The following CSMD1 variants were observed in gnomAD, a reference collection of about 807,000 sequenced individuals.
The protein encoded by CSMD1 is CUB and Sushi multiple domains 1.
Under a neutral mutation model 417.5 loss-of-function variants are expected in CSMD1, and 213 were observed. The observed-to-expected ratio is 0.51, with a 90% CI of 0.46 to 0.57. The LOEUF is 0.57. Ranked by LOEUF, CSMD1 falls within the 20% of genes least tolerant of loss-of-function variation. The probability of loss-of-function intolerance (pLI) is 0.00; values close to 1 mark genes in which losing one functional copy is unlikely to be tolerated. For missense variants in CSMD1, 6,923 were observed against 4,529.7 expected (o/e 1.53, Z -15.17); for synonymous variants, 2,862 against 1,736.8 (o/e 1.65, Z -16.11).
At chr8:3,801,092 G>A (rs1441424297) in intron 5 of CSMD1, among the ~76,000 whole-genome samples, 2 of 151,746 alleles carry the variant, frequency 1.3e-5, no homozygotes, top group Admixed American at 6.6e-5. Flanking sequence ...AAAAGCACAA[G>A]GAATTAAAGA....
chr8:4,790,496 G>A (rs893702838), intron 1 of CSMD1, among the ~76,000 whole-genome samples: 3 of 152,090 alleles, frequency 2.0e-5, no homozygotes. Context: ...AAATTTATTT[G>A]GAACCAAAAA....
At chr8:4,478,235 G>T (rs919586158) in intron 2 of CSMD1, among the ~76,000 whole-genome samples, 6 of 152,122 alleles carry the variant, frequency 3.9e-5, no homozygotes, top group African/African-American at 1.4e-4. Flanking sequence ...ATACTGAAAA[G>T]CTTCCTTAGA....
rs541169067 is a variant in CSMD1 at position 4,186,879 on chromosome 8, C to G, written c.416-154780G>C. On this transcript the variant is annotated intron_variant, in intron 3 of 69. Transcript: ENST00000635120. The stretch of plus-strand genomic sequence containing the variant: ...GGCGTGGTGTTGAGTGCCTGTAGTC[C>G]CAGCTACTCGGGAGGCTGAGGCAGG... Among the ~76,000 whole-genome samples, 3 of 151,324 alleles carry G rather than the reference C, an allele frequency of 2.0e-5. 1 individual carries two copies. In the South Asian group the frequency reaches 6.3e-4, roughly 32 times the overall value.
chr8:4,871,907 G>C (rs1251062187), intron 1 of CSMD1, among the ~76,000 whole-genome samples: 1 of 151,974 alleles, frequency 6.6e-6, no homozygotes, highest in African/African-American at 2.4e-5. Flanking sequence ...TTGCAATTCT[G>C]TACTCTGTCT....
At chr8:4,249,615 T>C (rs1802929480) in intron 3 of CSMD1, among the ~76,000 whole-genome samples, 1 of 152,170 alleles carries the variant, frequency 6.6e-6, no homozygotes, top group Non-Finnish European at 1.5e-5. Flanking sequence ...TAAGAAATGT[T>C]TTCTCTGCTC....
chr8:3,978,484 G>A (rs1039206698), intron 5 of CSMD1, among the ~76,000 whole-genome samples: 1 of 152,008 alleles, frequency 6.6e-6, no homozygotes, highest in Non-Finnish European at 1.5e-5. Flanking sequence ...ATGAATATGG[G>A]GACTTTACTT....
chr8:3,313,955 T>C lies in CSMD1; in HGVS notation c.3632-5452A>G, dbSNP rs1309369223. On this transcript the variant is annotated intron_variant, in intron 23 of 69. Coordinates refer to ENST00000635120, the MANE Select transcript of CSMD1 (RefSeq NM_033225.6). ...CTATGCAGCCATAAAAAATGATGAG[T>C]TCATGTCCTTTGTAGGGACATGGAT... Among the ~76,000 whole-genome samples the C allele has an allele frequency of 2.6e-5, 4 of 152,078 alleles. No individual in the cohort carries two copies. In the South Asian group the frequency reaches 8.3e-4, roughly 32 times the overall value.
At chr8:3,281,641 G>T (rs1301399968) in intron 26 of CSMD1, among the ~76,000 whole-genome samples, 1 of 152,160 alleles carries the variant, frequency 6.6e-6, no homozygotes, top group African/African-American at 2.4e-5. Flanking sequence ...AAACTATGGA[G>T]ACAGTGAAAA....
At chr8:4,319,553 G>T (rs1033959514) in intron 3 of CSMD1, among the ~76,000 whole-genome samples, 1 of 152,080 alleles carries the variant, frequency 6.6e-6, no homozygotes, top group Non-Finnish European at 1.5e-5. Context: ...AGAAATAAAG[G>T]AAACATTAAT....
At chr8:4,262,050 T>G (rs767181437) in intron 3 of CSMD1, among the ~76,000 whole-genome samples, 5 of 152,202 alleles carry the variant, frequency 3.3e-5, no homozygotes, top group African/African-American at 1.2e-4. Flanking sequence ...TTGTCCCATA[T>G]TTTAGATTTA....
At chr8:4,871,116 G>T (rs1036330364) in intron 1 of CSMD1, among the ~76,000 whole-genome samples, 7 of 152,078 alleles carry the variant, frequency 4.6e-5, no homozygotes, top group African/African-American at 1.7e-4. Context: ...AGCTGGGGCT[G>T]GGAGATAGGT....
At chr8:4,162,068 G>A (rs1001551546) in intron 3 of CSMD1, among the ~76,000 whole-genome samples, 4 of 152,138 alleles carry the variant, frequency 2.6e-5, no homozygotes, top group Admixed American at 2.6e-4. Flanking sequence ...ACCTTGATAA[G>A]CAAGTAAGCA....
chr8:3,875,010 G>A (rs530076327), intron 5 of CSMD1, among the ~76,000 whole-genome samples: 1 of 152,152 alleles, frequency 6.6e-6, no homozygotes, highest in Admixed American at 6.5e-5. Context: ...ATCTCAAGAA[G>A]AATGGATGCA....
intron 3 of CSMD1, among the ~76,000 whole-genome samples, chr8:4,244,372 G>C (rs1171626977): frequency 1.3e-5 from 2 of 152,150 alleles, no homozygotes; most frequent in East Asian, 1.9e-4. Context: ...GAAAGACCTA[G>C]AAACGGATGT....
At chr8:3,291,049 T>C (rs1365039763) in intron 25 of CSMD1, among the ~76,000 whole-genome samples, 1 of 152,220 alleles carries the variant, frequency 6.6e-6, no homozygotes, top group Non-Finnish European at 1.5e-5. Context: ...TGTTGAATTT[T>C]GTCAAAGGCC....
Position 3,367,232 on chromosome 8 carries a change from A to C in CSMD1, c.2915T>G (p.Phe972Cys). The change falls in exon 20 of 70, where the codon TTT becomes TGT. Residue 972 changes from phenylalanine to cysteine, a missense_variant. By Grantham distance (205) the Phe-to-Cys change is radical (BLOSUM62 -2). Transcript: ENST00000635120. ...VSHGKGVQMI[F>C]HTFHLESSHD... Reference sequence around the variant, plus strand: ...GGAACTCTCAAGATGAAAGGTGTGAAAGATCATTTGAACTCCTGAGAAATG... The same window carrying C: ...GGAACTCTCAAGATGAAAGGTGTGACAGATCATTTGAACTCCTGAGAAATG... 6.2e-7 allele frequency: 1 copy of C among 1,611,930 alleles called. No homozygotes were observed.
intron 1 of CSMD1, among the ~76,000 whole-genome samples, chr8:4,797,802 C>G (rs1400425725): frequency 1.3e-5 from 2 of 152,100 alleles, no homozygotes; most frequent in Non-Finnish European, 2.9e-5. Flanking sequence ...TTTAAAAATA[C>G]TTGTGCTCAT....
intron 5 of CSMD1, among the ~76,000 whole-genome samples, chr8:3,767,481 C>G (rs192993410): frequency 6.6e-6 from 1 of 152,312 alleles, no homozygotes; most frequent in South Asian, 2.1e-4. Flanking sequence ...TCTCAAGCAT[C>G]TTTTTCTACT....
intron 5 of CSMD1, among the ~76,000 whole-genome samples, chr8:3,942,781 G>T (rs1005119280): frequency 1.3e-5 from 2 of 152,116 alleles, no homozygotes; most frequent in African/African-American, 4.8e-5. Context: ...TATTTAAACA[G>T]TTACTGGGAT....
Sources: gnomAD v4.1 joint callset for allele counts (sites outside exome capture counted in the v4.1 genomes callset) on GRCh38, gnomAD v4.1.1 for gene constraint, MANE v1.5 for transcripts, NCBI Gene and HGNC (gene_info 2026-07-23, HGNC 2026-07-21) for gene names.